The following LIPE variants were observed in gnomAD, a reference collection of about 807,000 sequenced individuals.
LIPE encodes the protein hormone-sensitive lipase.
LIPE carries 66 observed loss-of-function variants against 88.5 expected under a neutral mutation model. The observed-to-expected ratio is 0.75, with a 90% confidence interval of 0.61 to 0.91. The LOEUF (loss-of-function observed/expected upper bound fraction) is 0.91. LIPE is among the 40% of genes least tolerant of loss of function. The probability of loss-of-function intolerance (pLI) is 0.00; values close to 1 mark genes in which losing one functional copy is unlikely to be tolerated. For missense variants in LIPE, 1,346 were observed against 1,434.7 expected, an observed-to-expected ratio of 0.94 and a Z score of 1.00; for synonymous variants, 570 against 617.5, an observed-to-expected ratio of 0.92 and a Z score of 1.14.
Position 42,401,943 on chromosome 19 carries a change from G to C in LIPE, c.3100C>G (p.Arg1034Gly), listed in dbSNP as rs1412297420. ...AGCTCTGCGGCCTGGCGCGTCTCGC[G>C]GCACAGCGCCGCTAGGGTCAGGAAG... Reference protein sequence around the residue: ...HGFLTLAALCRETRQAAELCV... With the variant: ...HGFLTLAALCGETRQAAELCV... Residue 1034 changes from arginine (R) to glycine (G), a missense_variant, in exon 10 of 10, where the codon CGC becomes GGC. Physicochemically the swap from Arg to Gly is moderately radical, Grantham distance 125. Coordinates refer to ENST00000244289, the MANE Select transcript of LIPE (RefSeq NM_005357.4). The C allele has an allele frequency of 1.3e-5, 20 of 1,556,504 alleles. No homozygotes were observed. Among genetic ancestry groups the C allele is most frequent in the East Asian group, 4.8e-5 (2 of 41,918 alleles).
intron 8 of LIPE, among the ~76,000 whole-genome samples, chr19:42,404,727 A>G (rs976181721): frequency 2.0e-5 from 3 of 152,254 alleles, no homozygotes; most frequent in African/African-American, 7.2e-5. Flanking sequence ...CTACTTAAGT[A>G]CTTTGTGGCC....
At chr19:42,411,735 G>C (rs561811556) in intron 1 of LIPE, among the ~76,000 whole-genome samples, 35 of 152,232 alleles carry the variant, frequency 2.3e-4, no homozygotes, top group African/African-American at 8.4e-4. Context: ...TGGCCTTCAG[G>C]CTTGTCCACT....
At chr19:42,418,556 G>A (rs1263149131) in intron 1 of LIPE, among the ~76,000 whole-genome samples, 1 of 152,068 alleles carries the variant, frequency 6.6e-6, no homozygotes, top group Non-Finnish European at 1.5e-5. Context: ...GCTCATGCTT[G>A]TAATCCTGGC....
intron 1 of LIPE, chr19:42,424,646 C>T (rs1185368177): frequency 1.1e-5 from 5 of 456,174 alleles, no homozygotes; most frequent in East Asian, 6.9e-5. Flanking sequence ...GGCCTCTGGG[C>T]GGAGGGGCCG....
chr19:42,411,029 G>T lies in LIPE; in HGVS notation c.884-187C>A, dbSNP rs529051271. On this transcript the variant is annotated intron_variant, in intron 1 of 9. Transcript: ENST00000244289. ...CATAAGAGGTCACCCTCTTGTCTCTGGGAATCAGAAGTTTGGGGCCCCAGT... is the reference window on the plus strand; with the variant it reads ...CATAAGAGGTCACCCTCTTGTCTCTTGGAATCAGAAGTTTGGGGCCCCAGT... Among the ~76,000 whole-genome samples, 3 of 152,280 alleles carry T rather than the reference G, an allele frequency of 2.0e-5. No homozygotes were observed. In the South Asian group the frequency reaches 6.2e-4, roughly 32 times the overall value.
At position 42,406,265 on chromosome 19, in the gene LIPE, G is replaced by A. The variant is rs1248472812; in HGVS notation, c.2261C>T (p.Pro754Leu). Residue 754 changes from proline (P) to leucine (L), a missense_variant, in exon 7 of 10, where the codon CCG becomes CTG. Transcript: ENST00000244289. This position sits in a 1 kb window ranked among gnomAD's most constrained non-coding sequence, Gnocchi z 5.7. ...GGCGGCAGGCTGCAGCATTGTGGCCGGGTAGGCTGCCATGATGCCATCTGG... is the reference window on the plus strand; with the variant it reads ...GGCGGCAGGCTGCAGCATTGTGGCCAGGTAGGCTGCCATGATGCCATCTGG... Reference protein sequence around the residue: ...RVPDGIMAAYPATMLQPAASP... With the variant: ...RVPDGIMAAYLATMLQPAASP... The A allele has an allele frequency of 4.3e-6, 7 of 1,613,922 alleles. No homozygotes were observed. The highest frequency in any genetic ancestry group is 1.7e-4 in the Middle Eastern group (1 of 6,012).
intron 1 of LIPE, chr19:42,411,154 G>T: frequency 3.8e-6 from 1 of 260,470 alleles, no homozygotes; most frequent in Non-Finnish European, 6.0e-6. Context: ...TTCCTCTTCA[G>T]GACCCAGGAG....
intron 1 of LIPE, among the ~76,000 whole-genome samples, chr19:42,420,913 C>G (rs1223634387): frequency 6.6e-6 from 1 of 151,820 alleles, no homozygotes; most frequent in Non-Finnish European, 1.5e-5. Flanking sequence ...CTCTCTCTCT[C>G]TTTTTGAGAC....
chr19:42,406,495 T>G lies in LIPE; in HGVS notation c.2138-107A>C. 31 of 896,102 alleles carry G rather than the reference T, an allele frequency of 3.5e-5. No homozygotes were observed. The highest frequency in any genetic ancestry group is 5.0e-5 in the Non-Finnish European group (28 of 564,664). 55.5% of individuals were successfully genotyped at this position (896,102 alleles called of 1,614,324 possible). Reference sequence around the variant, plus strand: ...GAGAACTGGGCTCTCCAAGGTGGGGTGTGGGGCACTCCAAGGCCTAGCAGA... The same window carrying G: ...GAGAACTGGGCTCTCCAAGGTGGGGGGTGGGGCACTCCAAGGCCTAGCAGA... On this transcript the variant is annotated intron_variant, in intron 6 of 9. Transcript: ENST00000244289. This position sits in a 1 kb window ranked among gnomAD's most constrained non-coding sequence, Gnocchi z 5.7.
In LIPE at chr19:42,416,652, C is replaced by T. The variant is rs552346251; in HGVS notation, c.884-5810G>A. On this transcript the variant is annotated intron_variant, in intron 1 of 9. Coordinates refer to ENST00000244289, the MANE Select transcript of LIPE (RefSeq NM_005357.4). ...AGAAATTCTAGGGCCCTCAGGATTA[C>T]GCCAAATGTACTCTGCCTATGCTCT... Among the ~76,000 whole-genome samples the T allele has an allele frequency of 4.6e-5, 7 of 152,284 alleles. No individual in the cohort carries two copies. In the South Asian group the frequency reaches 1.2e-3, roughly 27 times the overall value.
In LIPE at chr19:42,407,142, G is replaced by T; in HGVS notation, c.2137+32C>A. ...AAGCAAGCTGGGTGGGATGGGAGCA[G>T]GCGCAGGTGGCTGTGGGGGCCTGAG... On this transcript the variant is annotated intron_variant, in intron 6 of 9. Transcript: ENST00000244289. The surrounding 1 kb of genome is among the most constrained non-coding windows in gnomAD (Gnocchi z 5.8). 3 of 1,466,534 alleles carry T rather than the reference G, an allele frequency of 2.0e-6. No individual in the cohort carries two copies. The South Asian group carries it at 4.1e-5, about 20-fold the overall frequency. The allele number at this position is 1,466,534 out of a possible 1,614,324, so 90.8% of individuals were successfully genotyped here.
chr19:42,401,924 G>T lies in LIPE; in HGVS notation c.3119C>A (p.Ala1040Glu). 2 of 1,554,378 alleles carry T rather than the reference G, an allele frequency of 1.3e-6. No individual in the cohort carries two copies. ...GCGGATGCGCTCCACGCACAGCTCT[G>T]CGGCCTGGCGCGTCTCGCGGCACAG... ...AALCRETRQA[A>E]ELCVERIRLV... Residue 1040 changes from alanine (A) to glutamate (E), a missense_variant, in exon 10 of 10, where the codon GCA becomes GAA. Transcript: ENST00000244289.
At position 42,410,963 on chromosome 19, in the gene LIPE, A is replaced by G. The variant is rs1194085799; in HGVS notation, c.884-121T>C. The G allele has an allele frequency of 1.2e-5, 12 of 978,866 alleles. No individual in the cohort carries two copies. Among genetic ancestry groups the G allele is most frequent in the Non-Finnish European group, 1.8e-5 (12 of 673,978 alleles). The allele number at this position is 978,866 out of a possible 1,614,324, so 60.6% of individuals were successfully genotyped here. On this transcript the variant is annotated intron_variant, in intron 1 of 9. Transcript: ENST00000244289. This position sits in a 1 kb window ranked among gnomAD's most constrained non-coding sequence, Gnocchi z 6.1. ...TCAAACCTCAGTGCTGTCTTCTTTC[A>G]GTTCCAGGGGCCCAGGACCCCAGGT... is the stretch of plus-strand genomic sequence containing the variant.
chr19:42,426,421 G>A lies in LIPE; in HGVS notation c.729C>T (p.Asp243=), dbSNP rs780984048. 11 of 1,613,976 alleles carry A rather than the reference G, an allele frequency of 6.8e-6. No homozygotes were observed. Among genetic ancestry groups the A allele is most frequent in the Admixed American group, 6.7e-5 (4 of 59,998 alleles). Residue 243 remains aspartate (D), a synonymous_variant, in exon 1 of 10, where the codon GAC becomes GAT. Coordinates refer to ENST00000244289, the MANE Select transcript of LIPE (RefSeq NM_005357.4). ...ESESDVGSSS[D]TDSPATMGGM... is the part of the protein sequence containing the mutation. ...CACCCATCGTGGCTGGAGAATCTGT[G>A]TCTGAAGATGATCCCACATCTGATT...
At chr19:42,424,341 C>T (rs772867638) in intron 1 of LIPE, 1 of 457,328 alleles carries the variant, frequency 2.2e-6, no homozygotes, top group South Asian at 1.5e-5. Flanking sequence ...GGCTTGCTCA[C>T]ACGCACACAG....
Position 42,401,673 on chromosome 19 carries a change from T to A in LIPE, c.*139A>T. ...GTGTGTGTGCGCGTCCCCCTCCCCG[T>A]GGCGAGGGTCTCAGCTTTCGGGCCC... On this transcript the variant is annotated 3_prime_UTR_variant, in exon 10 of 10. Coordinates refer to ENST00000244289, the MANE Select transcript of LIPE (RefSeq NM_005357.4). The A allele has an allele frequency of 2.1e-6, 1 of 474,204 alleles. No individual in the cohort carries two copies. Among genetic ancestry groups the A allele is most frequent in the Non-Finnish European group, 3.5e-6 (1 of 286,616 alleles). 29.4% of individuals were successfully genotyped at this position (474,204 alleles called of 1,614,324 possible).
intron 1 of LIPE, among the ~76,000 whole-genome samples, chr19:42,421,033 G>A (rs2040588192): frequency 6.6e-6 from 1 of 152,066 alleles, no homozygotes; most frequent in Admixed American, 6.6e-5. Flanking sequence ...CAAGTAGCTG[G>A]GACTACAGGT....
chr19:42,403,165 G>T (rs1600102715), intron 8 of LIPE, 134 bp from the exon 9 acceptor site: 2 of 896,584 alleles, frequency 2.2e-6, no homozygotes, highest in East Asian at 5.4e-5. Context: ...CTTGCCTAGG[G>T]GATGGGTGGA....
chr19:42,415,276 A>AT (rs1194732905), intron 1 of LIPE, among the ~76,000 whole-genome samples: 4 of 152,116 alleles, frequency 2.6e-5, no homozygotes, highest in Non-Finnish European at 5.9e-5. Flanking sequence ...TAAAATAGAA[A>AT]TCAGGCCAAT....
Sources: gnomAD v4.1 joint callset for allele counts (sites outside exome capture counted in the v4.1 genomes callset) on GRCh38, gnomAD v4.1.1 for gene constraint, Gnocchi (gnomAD v3.1) non-coding constraint, MANE v1.5 for transcripts, NCBI Gene and HGNC (gene_info 2026-07-23, HGNC 2026-07-21) for gene names.